RCCD1: variants seen among roughly 807,000 people sequenced by gnomAD.
RCCD1 encodes the protein RCC1 domain containing 1.
Under a neutral mutation model 37.6 loss-of-function variants are expected in RCCD1, and 40 were observed. The observed-to-expected ratio is 1.06, with a 90% CI of 0.83 to 1.39. RCCD1 has a LOEUF of 1.39. RCCD1 is among the 40% of genes most tolerant of loss of function. The pLI is 0.00. For missense variants in RCCD1, 577 were observed against 517.3 expected (o/e 1.12, Z -1.12); for synonymous variants, 263 against 230.0 (o/e 1.14, Z -1.30).
At chr15:90,961,522 C>A in intron 7 of RCCD1, 96 bp from the exon 8 acceptor site, 2 of 1,375,242 alleles carry the variant, frequency 1.5e-6, no homozygotes, top group Non-Finnish European at 2.0e-6. Flanking sequence ...GGGGCATAAT[C>A]CCAGCACTTC....
chr15:90,957,705 G>A lies in RCCD1; in HGVS notation c.659G>A (p.Trp220Ter). Residue 220 changes from tryptophan (W) to a stop codon, truncating the protein, a stop_gained, in exon 4 of 8, where the codon TGG becomes TAG. Transcript: ENST00000394258. LOFTEE classifies it high-confidence loss of function. ...ATGGCTGAGGTGGCCGCGGGGGGCTGGCATTCTGTGTGTGTGAGTGGTGAG... is the reference window on the plus strand; with the variant it reads ...ATGGCTGAGGTGGCCGCGGGGGGCTAGCATTCTGTGTGTGTGAGTGGTGAG... ...LVMAEVAAGG[W>*]HSVCVSETGD... is the part of the protein sequence containing the mutation. The A allele has an allele frequency of 6.2e-7, 1 of 1,611,904 alleles. No individual in the cohort carries two copies. The highest frequency in any genetic ancestry group is 8.5e-7 in the Non-Finnish European group (1 of 1,178,758).
At chr15:90,958,953 CAAAA>C (rs5814449) in intron 4 of RCCD1, among the ~76,000 whole-genome samples, 10 of 134,696 alleles carry the variant, frequency 7.4e-5, no homozygotes, top group African/African-American at 1.1e-4. Flanking sequence ...AAAAAAAAAA[CAAAA>C]AAAAAAAACC....
At chr15:90,959,449 G>A (rs776304968) in intron 4 of RCCD1, among the ~76,000 whole-genome samples, 10 of 152,200 alleles carry the variant, frequency 6.6e-5, no homozygotes, top group South Asian at 2.1e-4. Flanking sequence ...CGGCCCAGTG[G>A]TTGTTTTATT....
rs2037342461 is a variant in RCCD1 at position 90,962,900 on chromosome 15, C to G, written c.*1131C>G. The G allele has an allele frequency of 6.6e-6, 1 of 152,144 alleles. No homozygotes were observed. The highest frequency in any genetic ancestry group is 2.1e-4 in the South Asian group (1 of 4,836). 9.4% of individuals were successfully genotyped at this position (152,144 alleles called of 1,614,324 possible). ...TACCAATTTTAATACTTAGGTGATGCTTACTCCATGCCAGGTAAGGCTCAA... is the reference window on the plus strand; with the variant it reads ...TACCAATTTTAATACTTAGGTGATGGTTACTCCATGCCAGGTAAGGCTCAA... On this transcript the variant is annotated 3_prime_UTR_variant, in exon 8 of 8. Coordinates refer to ENST00000394258, the MANE Select transcript of RCCD1 (RefSeq NM_001017919.2).
intron 5 of RCCD1, 125 bp downstream of exon 5, chr15:90,960,123 G>A (rs919325219): frequency 8.4e-6 from 8 of 948,536 alleles, no homozygotes; most frequent in Middle Eastern, 3.4e-4. Context: ...TTATGGGAGG[G>A]AGCATTGGCA....
chr15:90,956,125 C>T (rs561714053), intron 1 of RCCD1, among the ~76,000 whole-genome samples: 1 of 152,184 alleles, frequency 6.6e-6, no homozygotes, highest in African/African-American at 2.4e-5. Flanking sequence ...GGATTGGCTG[C>T]GGTCCCAAGG....
intron 1 of RCCD1, chr15:90,955,215 C>G (rs1427744705): frequency 6.6e-6 from 1 of 152,240 alleles, no homozygotes; most frequent in Admixed American, 6.5e-5. Flanking sequence ...GAGAGGCCCT[C>G]AAGGGGAGTT....
intron 4 of RCCD1, among the ~76,000 whole-genome samples, chr15:90,959,403 A>G (rs766381540): frequency 1.9e-4 from 29 of 152,170 alleles, no homozygotes; most frequent in Non-Finnish European, 3.1e-4. Context: ...TTTCATCAGG[A>G]CCGGCTGTGG....
chr15:90,956,003 T>C (rs2037182419), intron 1 of RCCD1: 1 of 152,230 alleles, frequency 6.6e-6, no homozygotes, highest in African/African-American at 2.4e-5. Flanking sequence ...TATCATGGCA[T>C]GTACTCGCAC....
At position 90,959,888 on chromosome 15, in the gene RCCD1, G is replaced by T; in HGVS notation, c.680-12G>T. 1 of 1,591,602 alleles carries T rather than the reference G, an allele frequency of 6.3e-7. No homozygotes were observed. The highest frequency in any genetic ancestry group is 1.1e-5 in the South Asian group (1 of 89,910). On this transcript the variant is annotated splice_polypyrimidine_tract_variant and intron_variant, in intron 4 of 7. Coordinates refer to ENST00000394258, the MANE Select transcript of RCCD1 (RefSeq NM_001017919.2). ...CACAGTCTGTTTCATGTGTCCCCTT[G>T]ATCTCTTTCAGAGACTGGGGATATT...
At chr15:90,961,109 G>T (rs2037306613) in intron 7 of RCCD1, 55 bp downstream of exon 7, 3 of 1,557,712 alleles carry the variant, frequency 1.9e-6, no homozygotes, top group African/African-American at 1.4e-5. Flanking sequence ...AAAGACCTGG[G>T]AGTACAGGGC....
intron 1 of RCCD1, among the ~76,000 whole-genome samples, chr15:90,956,121 G>T (rs1001419787): frequency 7.2e-5 from 11 of 152,198 alleles, no homozygotes; most frequent in African/African-American, 2.7e-4. Context: ...AGGTGGATTG[G>T]CTGCGGTCCC....
intron 1 of RCCD1, among the ~76,000 whole-genome samples, chr15:90,956,248 C>T (rs1307224983): frequency 6.6e-6 from 1 of 152,138 alleles, no homozygotes; most frequent in Non-Finnish European, 1.5e-5. Context: ...AGCGCTCTGC[C>T]CCTCTCTGTC....
chr15:90,957,197 C>G lies in RCCD1; in HGVS notation c.251C>G (p.Ala84Gly). The change falls in exon 3 of 8, where the codon GCG becomes GGG. Residue 84 changes from alanine to glycine, a missense_variant. Coordinates refer to ENST00000394258, the MANE Select transcript of RCCD1 (RefSeq NM_001017919.2). ...KDAWASEGLL[A>G]VLRAGPGPEA... is the part of the protein sequence containing the mutation. ...GCGTGGGCCTCGGAGGGGCTCCTCG[C>G]GGTGCTGCGCGCCGGGCCGGGGCCG... 7.2e-7 allele frequency: 1 copy of G among 1,396,924 alleles called. No homozygotes were observed. The highest frequency in any genetic ancestry group is 9.3e-7 in the Non-Finnish European group (1 of 1,080,318). The allele number at this position is 1,396,924 out of a possible 1,614,324, so 86.5% of individuals were successfully genotyped here.
rs1038792681 is a variant in RCCD1 at position 90,956,728 on chromosome 15, C to G, written c.-7C>G. 1.5e-6 allele frequency: 2 copies of G among 1,294,080 alleles called. No homozygotes were observed. The highest frequency in any genetic ancestry group is 3.0e-5 in the African/African-American group (2 of 65,944). The allele number at this position is 1,294,080 out of a possible 1,614,324, so 80.2% of individuals were successfully genotyped here. On this transcript the variant is annotated 5_prime_UTR_variant, in exon 2 of 8. Coordinates refer to ENST00000394258, the MANE Select transcript of RCCD1 (RefSeq NM_001017919.2). Reference sequence around the variant, plus strand: ...AGGCGGCGGCCGGCAGAGGGCGCTGCTCGGGCATGGCGGAGGAGCGGCCGG... The same window carrying G: ...AGGCGGCGGCCGGCAGAGGGCGCTGGTCGGGCATGGCGGAGGAGCGGCCGG...
intron 6 of RCCD1, 172 bp downstream of exon 6, chr15:90,960,670 T>A: frequency 3.1e-6 from 2 of 655,344 alleles, no homozygotes; most frequent in East Asian, 5.5e-5. Context: ...CCCCAGCCTG[T>A]CAGGCCCAGA....
In RCCD1 at chr15:90,960,469, G is replaced by A. The variant is rs1407969569; in HGVS notation, c.920G>A (p.Cys307Tyr). ...GGCTCAGATGCAGTCAAGGCCAGCT[G>A]TGGATCCCGGCACACAGCTGTGGTG... ...PMGSDAVKAS[C>Y]GSRHTAVVTR... The change falls in exon 6 of 8, where the codon TGT (cysteine) becomes TAT (tyrosine). Residue 307 changes from cysteine (C) to tyrosine (Y), a missense_variant. Transcript: ENST00000394258. 1 of 1,611,718 alleles carries A rather than the reference G, an allele frequency of 6.2e-7. No homozygotes were observed. Among genetic ancestry groups the A allele is most frequent in the Non-Finnish European group, 8.5e-7 (1 of 1,179,936 alleles).
chr15:90,961,955 C>T lies in RCCD1; in HGVS notation c.*186C>T, dbSNP rs866101376. 1 of 471,346 alleles carries T rather than the reference C, an allele frequency of 2.1e-6. No homozygotes were observed. Among genetic ancestry groups the T allele is most frequent in the Middle Eastern group, 5.6e-4 (1 of 1,774 alleles). The allele number at this position is 471,346 out of a possible 1,614,324, so 29.2% of individuals were successfully genotyped here. On this transcript the variant is annotated 3_prime_UTR_variant, in exon 8 of 8. Coordinates refer to ENST00000394258, the MANE Select transcript of RCCD1 (RefSeq NM_001017919.2). ...CTGGAGAGCATTGAAAACTCTGCTG[C>T]CTAAGGTCAGCATCAATCAAAACAA...
At chr15:90,956,156 A>T (rs909614521) in intron 1 of RCCD1, among the ~76,000 whole-genome samples, 1 of 152,220 alleles carries the variant, frequency 6.6e-6, no homozygotes, top group Non-Finnish European at 1.5e-5. Context: ...TTGCAGAGGC[A>T]CTGCCTCCCA....
Sources: allele counts gnomAD v4.1 joint callset (sites outside exome capture counted in the v4.1 genomes callset), GRCh38; gene constraint gnomAD v4.1.1; transcripts MANE v1.5; gene names NCBI Gene and HGNC (gene_info 2026-07-23, HGNC 2026-07-21).